The following SLC22A15 variants were observed in gnomAD, a reference collection of about 807,000 sequenced individuals.
SLC22A15 encodes flipt 1.
In SLC22A15, 45 loss-of-function variants were observed where a neutral mutation model predicts 62.7. That is an observed-to-expected ratio of 0.72 (90% confidence interval 0.56 to 0.92). The LOEUF is 0.92. Among genes scored for constraint, SLC22A15 ranks in the 40% least tolerant of loss-of-function variants. SLC22A15 has a pLI of 0.00. For synonymous variants in SLC22A15, 264 were observed against 267.0 expected, an observed-to-expected ratio of 0.99 and a Z score of 0.11; for missense variants, 622 against 665.6, an observed-to-expected ratio of 0.93 and a Z score of 0.72.
intron 2 of SLC22A15, among the ~76,000 whole-genome samples, chr1:116,001,852 T>G (rs1296072243): frequency 2.0e-5 from 3 of 152,168 alleles, no homozygotes; most frequent in Non-Finnish European, 4.4e-5. Flanking sequence ...TTTAGTTTGT[T>G]TGATGAGATC....
intron 1 of SLC22A15, among the ~76,000 whole-genome samples, chr1:115,989,871 T>C (rs1216691131): frequency 2.0e-5 from 3 of 152,186 alleles, no homozygotes; most frequent in African/African-American, 7.2e-5. Context: ...GCATGTGCTA[T>C]TATTGGTATT....
intron 2 of SLC22A15, among the ~76,000 whole-genome samples, chr1:116,010,556 C>T (rs983840827): frequency 1.3e-5 from 2 of 152,172 alleles, no homozygotes; most frequent in Non-Finnish European, 2.9e-5. Context: ...TCCTGAAATA[C>T]CCTGTCCAAG....
intron 1 of SLC22A15, among the ~76,000 whole-genome samples, chr1:115,987,832 T>G (rs1654947408): frequency 6.6e-6 from 1 of 152,246 alleles, no homozygotes; most frequent in African/African-American, 2.4e-5. Flanking sequence ...TAGTGTTTTA[T>G]ATAACATTGA....
chr1:116,043,009 C>T (rs748290606), intron 8 of SLC22A15, among the ~76,000 whole-genome samples: 1 of 152,154 alleles, frequency 6.6e-6, no homozygotes, highest in Non-Finnish European at 1.5e-5. Context: ...AAATCACCAA[C>T]AGAAAGATAT....
chr1:116,036,081 G>A (rs767915568), intron 7 of SLC22A15, among the ~76,000 whole-genome samples: 1 of 152,112 alleles, frequency 6.6e-6, no homozygotes, highest in African/African-American at 2.4e-5. Flanking sequence ...GGGCAGGTTT[G>A]GATTCTGTTA....
Position 116,053,833 on chromosome 1 carries a change from A to C in SLC22A15, c.1172-8929A>C, listed in dbSNP as rs1053286739. Among the ~76,000 whole-genome samples, 217 of 151,934 alleles carry C rather than the reference A, an allele frequency of 1.4e-3. 2 individuals carry two copies. Among genetic ancestry groups the C allele is most frequent in the East Asian group, 7.4e-3 (38 of 5,164 alleles). On this transcript the variant is annotated intron_variant, in intron 8 of 11. Coordinates refer to ENST00000369503, the MANE Select transcript of SLC22A15 (RefSeq NM_018420.3). ...TTCATAAGTGAAGGAGAAATAAAAT[A>C]CTTTACAGACAAGCAAATGCTGAGA...
chr1:116,052,683 C>T (rs957794458), intron 8 of SLC22A15, among the ~76,000 whole-genome samples: 8 of 152,300 alleles, frequency 5.3e-5, no homozygotes, highest in African/African-American at 7.2e-5. Context: ...ACACCTCACA[C>T]GGCGGGCTAC....
rs759528591 is a variant in SLC22A15 at position 116,026,851 on chromosome 1, A to G, written c.599-42A>G. 7 of 1,606,576 alleles carry G rather than the reference A, an allele frequency of 4.4e-6. No individual in the cohort carries two copies. The East Asian group carries it at 6.7e-5, about 15-fold the overall frequency. On this transcript the variant is annotated intron_variant, in intron 4 of 11. Transcript: ENST00000369503. ...CTTGGGGTTGGAAATGGTGCTGCAG[A>G]TGGTGCTTTCTCCAGTGACAGTTCT...
At chr1:116,022,394 A>C (rs1163316024) in intron 4 of SLC22A15, among the ~76,000 whole-genome samples, 1 of 119,580 alleles carries the variant, frequency 8.4e-6, no homozygotes, top group African/African-American at 2.6e-5. Context: ...GGAAGGGAAA[A>C]AGGCACTCTC....
At chr1:116,018,664 A>G (rs189225998) in intron 2 of SLC22A15, among the ~76,000 whole-genome samples, 20 of 152,246 alleles carry the variant, frequency 1.3e-4, no homozygotes, top group African/African-American at 4.6e-4. Context: ...AATTATATTT[A>G]TGGGCTACAT....
chr1:116,033,368 A>G (rs1235684663), intron 6 of SLC22A15, among the ~76,000 whole-genome samples: 1 of 152,172 alleles, frequency 6.6e-6, no homozygotes, highest in Non-Finnish European at 1.5e-5. Flanking sequence ...CCCAATGACC[A>G]ACTCTATGAC....
At position 116,064,516 on chromosome 1, in the gene SLC22A15, T is replaced by C; in HGVS notation, c.1365+8T>C. The C allele has an allele frequency of 1.2e-6, 2 of 1,600,658 alleles. No individual in the cohort carries two copies. The highest frequency in any genetic ancestry group is 1.1e-5 in the South Asian group (1 of 90,740). ...CCCTTCATCCCCTCACTGGTTGGTT[T>C]GTACCTTCTAGTTTTGTTTTTCTTG... On this transcript the variant is annotated splice_region_variant and intron_variant, in intron 10 of 11. Transcript: ENST00000369503.
intron 8 of SLC22A15, 82 bp from the exon 9 acceptor site, chr1:116,062,680 C>T: frequency 6.5e-7 from 1 of 1,534,452 alleles, no homozygotes; most frequent in Non-Finnish European, 9.0e-7. Context: ...TGAATGCCAC[C>T]TGCTCCATCA....
intron 8 of SLC22A15, chr1:116,037,657 G>A (rs1657669010): frequency 3.4e-6 from 1 of 296,854 alleles, no homozygotes; most frequent in Non-Finnish European, 6.3e-6. Flanking sequence ...TGTTAGAGTT[G>A]TTTATTTGAT....
intron 2 of SLC22A15, among the ~76,000 whole-genome samples, chr1:115,994,173 C>T (rs191778542): frequency 3.2e-4 from 48 of 152,170 alleles, no homozygotes; most frequent in African/African-American, 1.0e-3. Flanking sequence ...TAGCAACCAC[C>T]AGCCCCACCA....
chr1:116,027,168 T>G, intron 5 of SLC22A15, 146 bp downstream of exon 5: 1 of 771,814 alleles, frequency 1.3e-6, no homozygotes, highest in Non-Finnish European at 2.2e-6. Context: ...AGTGCTCCAA[T>G]TCTTGGCAGC....
intron 2 of SLC22A15, among the ~76,000 whole-genome samples, chr1:116,015,731 G>A (rs1246107389): frequency 3.3e-5 from 5 of 152,156 alleles, no homozygotes; most frequent in Non-Finnish European, 5.9e-5. Context: ...TTGAAAGCAT[G>A]AAGAGACTAA....
At chr1:115,997,139 C>T (rs901257790) in intron 2 of SLC22A15, among the ~76,000 whole-genome samples, 1 of 152,038 alleles carries the variant, frequency 6.6e-6, no homozygotes, top group African/African-American at 2.4e-5. Context: ...GAGGAAGCCT[C>T]CCATAATTCC....
chr1:116,004,286 A>G (rs1160924018), intron 2 of SLC22A15, among the ~76,000 whole-genome samples: 1 of 152,096 alleles, frequency 6.6e-6, no homozygotes, highest in African/African-American at 2.4e-5. Flanking sequence ...TTTTGGTAAT[A>G]CTTTCTTTTG....
Sources: allele counts gnomAD v4.1 joint callset (sites outside exome capture counted in the v4.1 genomes callset), GRCh38; gene constraint gnomAD v4.1.1; transcripts MANE v1.5; gene names NCBI Gene and HGNC (gene_info 2026-07-23, HGNC 2026-07-21).